Variants in LOXHD1 observed in about 807,000 individuals in gnomAD.
LOXHD1 encodes the protein lipoxygenase homology domain-containing protein 1.
A neutral mutation model predicts 248.2 loss-of-function variants in LOXHD1; 205 were observed. The observed-to-expected ratio is 0.83, with a 90% CI of 0.74 to 0.93. The LOEUF (loss-of-function observed/expected upper bound fraction) is 0.93. LOXHD1 is among the 40% of genes least tolerant of loss of function. The probability of loss-of-function intolerance (pLI) is 0.00; values close to 1 mark genes in which losing one functional copy is unlikely to be tolerated. For synonymous variants in LOXHD1, 1,113 were observed against 1,162.8 expected, an observed-to-expected ratio of 0.96 and a Z score of 0.87; for missense variants, 2,930 against 2,971.6, an observed-to-expected ratio of 0.99 and a Z score of 0.33.
intron 5 of LOXHD1, among the ~76,000 whole-genome samples, chr18:46,615,758 A>G (rs1156631082): frequency 6.6e-6 from 1 of 152,198 alleles, no homozygotes; most frequent in Non-Finnish European, 1.5e-5. Context: ...ATTTGTATGC[A>G]TTTGGCCTAT....
chr18:46,640,361 C>G (rs1568229962), intron 3 of LOXHD1, among the ~76,000 whole-genome samples: 3 of 152,200 alleles, frequency 2.0e-5, no homozygotes, highest in Admixed American at 6.5e-5. Flanking sequence ...GTGTGTCCCT[C>G]TCTTCATCAT....
intron 31 of LOXHD1, among the ~76,000 whole-genome samples, chr18:46,523,002 C>T (rs999554480): frequency 2.0e-5 from 3 of 151,756 alleles, no homozygotes; most frequent in African/African-American, 7.3e-5. Flanking sequence ...GGCTGGAGTG[C>T]AATGGCACGA....
chr18:46,550,566 C>T (rs111979435), intron 21 of LOXHD1, among the ~76,000 whole-genome samples: 10,926 of 118,420 alleles, frequency 0.092, 587 homozygotes, highest in Non-Finnish European at 0.12. Flanking sequence ...GGCGACAGAG[C>T]GAGACTCCGT....
In LOXHD1 at chr18:46,515,765, A is replaced by C. The variant is rs1339146932; in HGVS notation, c.5399+2364T>G. On this transcript the variant is annotated intron_variant, in intron 34 of 40. Coordinates refer to ENST00000642948, the MANE Select transcript of LOXHD1 (RefSeq NM_001384474.1). ...CAATAGTAGCCAGACCATGTATGAT[A>C]ATAGAACTCTGAGCTGCCTCCTCTG... 2.0e-5 allele frequency among the ~76,000 whole-genome samples: 3 copies of C among 152,220 alleles called. No homozygotes were observed. In the East Asian group the frequency reaches 5.8e-4, roughly 29 times the overall value.
chr18:46,612,006 C>A (rs975593323), intron 5 of LOXHD1, among the ~76,000 whole-genome samples: 5 of 152,128 alleles, frequency 3.3e-5, no homozygotes, highest in African/African-American at 1.2e-4. Flanking sequence ...TACCCTTATG[C>A]TACTTGCTTT....
At chr18:46,522,823 A>G (rs2035644647) in intron 31 of LOXHD1, among the ~76,000 whole-genome samples, 1 of 152,250 alleles carries the variant, frequency 6.6e-6, no homozygotes, top group Non-Finnish European at 1.5e-5. Context: ...ATTAATCAGC[A>G]TAAAACTTAC....
At chr18:46,624,538 A>G (rs1284720958) in intron 4 of LOXHD1, among the ~76,000 whole-genome samples, 1 of 152,076 alleles carries the variant, frequency 6.6e-6, no homozygotes, top group Non-Finnish European at 1.5e-5. Flanking sequence ...TCTTTCCCCC[A>G]TGCTACCCCC....
chr18:46,642,712 A>C (rs1244463851), intron 2 of LOXHD1, among the ~76,000 whole-genome samples: 1 of 152,242 alleles, frequency 6.6e-6, no homozygotes, highest in Non-Finnish European at 1.5e-5. Flanking sequence ...TCCTAAGTAC[A>C]GTGAGCATAG....
intron 29 of LOXHD1, among the ~76,000 whole-genome samples, chr18:46,526,605 G>C (rs545427536): frequency 6.6e-6 from 1 of 152,358 alleles, no homozygotes; most frequent in Admixed American, 6.5e-5. Context: ...ACAGGCCAGT[G>C]GGGGTAGGCC....
chr18:46,579,686 C>T lies in LOXHD1; in HGVS notation c.1753G>A (p.Gly585Arg), dbSNP rs1368788329. The T allele has an allele frequency of 1.7e-5, 27 of 1,551,796 alleles. No individual in the cohort carries two copies. The highest frequency in any genetic ancestry group is 2.4e-5 in the Non-Finnish European group (27 of 1,147,010). Reference sequence around the variant, plus strand: ...CTGCAGTTGTAGAGCAGCCGTTCCCCCGTGTCCCCCACATCACCAAAAAGG... The same window carrying T: ...CTGCAGTTGTAGAGCAGCCGTTCCCTCGTGTCCCCCACATCACCAAAAAGG... The part of the protein sequence containing the change: ...LCLFGDVGDT[G>R]ERLLYNCRNN... Residue 585 changes from glycine (G) to arginine (R), a missense_variant, in exon 13 of 41, where the codon GGG becomes AGG. Coordinates refer to ENST00000642948, the MANE Select transcript of LOXHD1 (RefSeq NM_001384474.1).
rs1315367406 is a variant in LOXHD1, at chr18:46,593,767, G to GACAGAT, written c.1271-13_1271-8dup. On this transcript the variant is annotated splice_polypyrimidine_tract_variant and splice_region_variant and intron_variant, in intron 9 of 40. Transcript: ENST00000642948. ...CACAGGGACCAAGGGAATTCTGTAAGACAGATCAAGTTGCACCATAAACTT... is the reference window on the plus strand; with the variant it reads ...CACAGGGACCAAGGGAATTCTGTAAGACAGATACAGATCAAGTTGCACCATAAACTT... 10 of 1,551,494 alleles carry GACAGAT rather than the reference G, an allele frequency of 6.4e-6. No individual in the cohort carries two copies. The African/African-American group carries it at 1.4e-4, about 21-fold the overall frequency.
intron 8 of LOXHD1, 91 bp from the exon 9 acceptor site, chr18:46,594,557 A>G: frequency 1.4e-6 from 2 of 1,455,828 alleles, no homozygotes; most frequent in Non-Finnish European, 1.9e-6. Flanking sequence ...CCACATTTAG[A>G]GACATCTGTA....
rs909472558 is a variant in LOXHD1, at chr18:46,529,170, C to T, written c.4530+7G>A. On this transcript the variant is annotated splice_region_variant and intron_variant, in intron 29 of 40. Transcript: ENST00000642948. ...GAAGGAGGGTAAACTCCGTGTGCCC[C>T]TCATACCGTTCCTCTCTCGAACTTG... The T allele has an allele frequency of 1.0e-5, 16 of 1,551,434 alleles. No homozygotes were observed. The African/African-American group carries it at 1.8e-4, about 17-fold the overall frequency.
chr18:46,533,948 T>C (rs2036192666), intron 27 of LOXHD1, among the ~76,000 whole-genome samples: 1 of 152,162 alleles, frequency 6.6e-6, no homozygotes, highest in Non-Finnish European at 1.5e-5. Context: ...TTCATTCATA[T>C]CCATAGCTAT....
chr18:46,552,840 C>T (rs886700487), intron 21 of LOXHD1, among the ~76,000 whole-genome samples: 2 of 152,230 alleles, frequency 1.3e-5, no homozygotes, highest in Admixed American at 1.3e-4. Context: ...TTTCCCACCC[C>T]TTCATGTCCC....
intron 8 of LOXHD1, among the ~76,000 whole-genome samples, chr18:46,598,089 T>C (rs1405331983): frequency 6.6e-6 from 1 of 152,110 alleles, no homozygotes; most frequent in East Asian, 1.9e-4. Flanking sequence ...TATTAAACTT[T>C]AATAACTCTA....
At chr18:46,579,256 CT>C (rs546939287) in intron 13 of LOXHD1, among the ~76,000 whole-genome samples, 10 of 152,330 alleles carry the variant, frequency 6.6e-5, no homozygotes, top group African/African-American at 2.4e-4. Flanking sequence ...AAGAAAGATG[CT>C]GCTGCTGCTT....
chr18:46,484,915 T>C, intron 39 of LOXHD1, 104 bp downstream of exon 39: 2 of 1,382,004 alleles, frequency 1.4e-6, no homozygotes, highest in Non-Finnish European at 2.0e-6. Flanking sequence ...ACTTGCTGGT[T>C]AGGCCCATTT....
chr18:46,509,933 C>T (rs1457439916), intron 34 of LOXHD1, 118 bp from the exon 35 acceptor site: 6 of 721,256 alleles, frequency 8.3e-6, no homozygotes, highest in Non-Finnish European at 1.5e-5. Flanking sequence ...TACTCAGCAG[C>T]CCCTCTGCTC....
Sources: gnomAD v4.1 joint callset for allele counts (sites outside exome capture counted in the v4.1 genomes callset) on GRCh38, gnomAD v4.1.1 for gene constraint, MANE v1.5 for transcripts, NCBI Gene and HGNC (gene_info 2026-07-23, HGNC 2026-07-21) for gene names.